LRP1B: variants seen among roughly 807,000 people sequenced by gnomAD.
LRP1B encodes the protein low-density lipoprotein receptor-related protein 1B.
A neutral mutation model predicts 556.6 loss-of-function variants in LRP1B; 217 were observed. The ratio of observed to expected loss-of-function variants is 0.39; its 90% CI spans 0.35 to 0.44. The LOEUF is 0.44. Ranked by LOEUF, LRP1B falls within the 20% of genes least tolerant of loss-of-function variation. The probability of loss-of-function intolerance (pLI) is 1.00; values close to 1 mark genes in which losing one functional copy is unlikely to be tolerated. For missense variants in LRP1B, 5,053 were observed against 5,620.8 expected (o/e 0.90, Z 3.23); for synonymous variants, 2,047 against 1,865.8 (o/e 1.10, Z -2.50).
At chr2:142,086,614 A>G (rs1238653829) in intron 1 of LRP1B, among the ~76,000 whole-genome samples, 2 of 26,684 alleles carry the variant, frequency 7.5e-5, no homozygotes, top group African/African-American at 1.5e-4. Flanking sequence ...CCATCTCAAA[A>G]ACAAACAAAC....
chr2:141,934,166 G>T (rs1470710339), intron 1 of LRP1B, among the ~76,000 whole-genome samples: 1 of 152,056 alleles, frequency 6.6e-6, no homozygotes, highest in Admixed American at 6.6e-5. Flanking sequence ...TCAAGTGGCA[G>T]ATTAGTGTTG....
At chr2:140,554,416 G>T (rs942677130) in intron 43 of LRP1B, among the ~76,000 whole-genome samples, 27 of 152,154 alleles carry the variant, frequency 1.8e-4, no homozygotes, top group Middle Eastern at 3.4e-3. Flanking sequence ...GCTGATTTGT[G>T]TCAATGAAGA....
At chr2:140,478,782 A>T (rs1366815344) in intron 59 of LRP1B, among the ~76,000 whole-genome samples, 4 of 152,090 alleles carry the variant, frequency 2.6e-5, no homozygotes, top group Non-Finnish European at 4.4e-5. Flanking sequence ...TTCTTCTCAC[A>T]GGGTCACTGT....
chr2:141,502,061 A>C lies in LRP1B; in HGVS notation c.206-21528T>G, dbSNP rs143914356. On this transcript the variant is annotated intron_variant, in intron 2 of 90. Transcript: ENST00000389484. Reference sequence around the variant, plus strand: ...GGGAAATACTTTTAAATATCTGAACACTCCCCCCAAACAAATATAAGATTG... The same window carrying C: ...GGGAAATACTTTTAAATATCTGAACCCTCCCCCCAAACAAATATAAGATTG... 3.3e-3 allele frequency among the ~76,000 whole-genome samples: 505 copies of C among 151,954 alleles called. 5 individuals are homozygous for C. The highest frequency in any genetic ancestry group is 0.012 in the African/African-American group (494 of 41,420).
chr2:140,830,411 G>C (rs1691675360), intron 31 of LRP1B, among the ~76,000 whole-genome samples: 1 of 152,086 alleles, frequency 6.6e-6, no homozygotes, highest in African/African-American at 2.4e-5. Context: ...CCACAATCAA[G>C]TGGGAATTAT....
chr2:140,604,112 G>A (rs1253585614), intron 41 of LRP1B, among the ~76,000 whole-genome samples: 1 of 151,712 alleles, frequency 6.6e-6, no homozygotes, highest in East Asian at 1.9e-4. Context: ...TTGAAATATT[G>A]AGCAGAGTAA....
At chr2:141,995,124 C>T (rs1347291926) in intron 1 of LRP1B, among the ~76,000 whole-genome samples, 1 of 151,892 alleles carries the variant, frequency 6.6e-6, no homozygotes, top group Non-Finnish European at 1.5e-5. Context: ...TCTATTGCTG[C>T]TATTTAAAAA....
chr2:141,068,191 T>C (rs188961212), intron 7 of LRP1B, among the ~76,000 whole-genome samples: 1 of 152,040 alleles, frequency 6.6e-6, no homozygotes, highest in African/African-American at 2.4e-5. Flanking sequence ...AGCGGTGTCC[T>C]TGTCTAGGGT....
chr2:140,806,828 T>C (rs2105021042), intron 32 of LRP1B, among the ~76,000 whole-genome samples: 1 of 152,320 alleles, frequency 6.6e-6, no homozygotes, highest in East Asian at 1.9e-4. Flanking sequence ...TTTCGTGAAT[T>C]CCGTCATAAT....
intron 2 of LRP1B, among the ~76,000 whole-genome samples, chr2:141,795,229 C>T (rs924757845): frequency 6.6e-6 from 1 of 152,052 alleles, no homozygotes; most frequent in African/African-American, 2.4e-5. Flanking sequence ...GGATATCTTT[C>T]TGTAAGTTAA....
At chr2:141,994,766 A>G (rs767064515) in intron 1 of LRP1B, among the ~76,000 whole-genome samples, 1 of 152,128 alleles carries the variant, frequency 6.6e-6, no homozygotes, top group Non-Finnish European at 1.5e-5. Flanking sequence ...ACTTTTATCT[A>G]TCTCTTCTAT....
intron 1 of LRP1B, among the ~76,000 whole-genome samples, chr2:142,099,594 C>A (rs1484748583): frequency 6.6e-6 from 1 of 151,896 alleles, no homozygotes; most frequent in Non-Finnish European, 1.5e-5. Context: ...TATTCGCAAT[C>A]CCAAATCGAA....
intron 1 of LRP1B, among the ~76,000 whole-genome samples, chr2:141,837,600 A>G (rs1251379115): frequency 6.6e-6 from 1 of 152,058 alleles, no homozygotes; most frequent in Non-Finnish European, 1.5e-5. Context: ...TGTAGTCATA[A>G]ACTGAATAAG....
intron 67 of LRP1B, among the ~76,000 whole-genome samples, chr2:140,379,719 C>T (rs539471280): frequency 1.3e-5 from 2 of 151,936 alleles, no homozygotes; most frequent in Admixed American, 6.6e-5. Context: ...GAAAAGAAAC[C>T]CTTCAGAACA....
intron 7 of LRP1B, among the ~76,000 whole-genome samples, chr2:141,078,877 C>T (rs1279656251): frequency 1.3e-5 from 2 of 152,086 alleles, no homozygotes; most frequent in Non-Finnish European, 2.9e-5. Context: ...ATGTTGCCCT[C>T]TATATTACCA....
intron 76 of LRP1B, among the ~76,000 whole-genome samples, chr2:140,352,333 G>T (rs545940274): frequency 1.3e-5 from 2 of 151,894 alleles, no homozygotes; most frequent in South Asian, 2.1e-4. Flanking sequence ...GTACCACCAC[G>T]CCTGGCTAAT....
intron 7 of LRP1B, among the ~76,000 whole-genome samples, chr2:141,076,458 A>G (rs1296190653): frequency 1.3e-5 from 2 of 152,206 alleles, no homozygotes; most frequent in Admixed American, 6.5e-5. Context: ...TTTATTGTGT[A>G]TAATAATCAC....
At chr2:142,122,577 A>G (rs928627927) in intron 1 of LRP1B, among the ~76,000 whole-genome samples, 1 of 152,096 alleles carries the variant, frequency 6.6e-6, no homozygotes, top group Non-Finnish European at 1.5e-5. Flanking sequence ...ACATCAATAC[A>G]AGGGCGCTCA....
At chr2:140,880,985 A>G (rs1227136339) in intron 25 of LRP1B, among the ~76,000 whole-genome samples, 1 of 152,198 alleles carries the variant, frequency 6.6e-6, no homozygotes, top group East Asian at 1.9e-4. Flanking sequence ...CTTAAGATTT[A>G]GTAGAAAATA....
Sources: allele counts gnomAD v4.1 joint callset (sites outside exome capture counted in the v4.1 genomes callset), GRCh38; gene constraint gnomAD v4.1.1; transcripts MANE v1.5; gene names NCBI Gene and HGNC (gene_info 2026-07-23, HGNC 2026-07-21).